Variants in TRIM2 observed in about 807,000 individuals in gnomAD.
The protein encoded by TRIM2 is tripartite motif containing 2, also known as tripartite motif-containing protein 2.
In TRIM2, 20 loss-of-function variants were observed where a neutral mutation model predicts 75.2. That is an observed-to-expected ratio of 0.27 (90% CI 0.19 to 0.39). The LOEUF (loss-of-function observed/expected upper bound fraction) is 0.39. Among genes scored for constraint, TRIM2 ranks in the 10% least tolerant of loss-of-function variants. The pLI is 1.00. For missense variants in TRIM2, 660 were observed against 990.8 expected (o/e 0.67, Z 4.48); for synonymous variants, 373 against 388.3 (o/e 0.96, Z 0.46).
intron 1 of TRIM2, among the ~76,000 whole-genome samples, chr4:153,179,784 A>G (rs1477500330): frequency 6.6e-6 from 1 of 152,182 alleles, no homozygotes; most frequent in African/African-American, 2.4e-5. Context: ...ATTTGTGGCA[A>G]GGCTAGACTG....
chr4:153,253,958 CT>C (rs993098827), intron 1 of TRIM2, among the ~76,000 whole-genome samples: 1 of 152,154 alleles, frequency 6.6e-6, no homozygotes, highest in South Asian at 2.1e-4. Flanking sequence ...TATTTATAAA[CT>C]TGCTTTTACT....
intron 6 of TRIM2, among the ~76,000 whole-genome samples, chr4:153,300,940 C>T (rs961387009): frequency 3.3e-5 from 5 of 151,648 alleles, no homozygotes; most frequent in Non-Finnish European, 5.9e-5. Context: ...CCTGTAATCC[C>T]AGCACCTTGG....
intron 8 of TRIM2, 113 bp from the exon 9 acceptor site, chr4:153,322,535 C>T (rs75615635): frequency 2.6e-6 from 3 of 1,170,626 alleles, no homozygotes; most frequent in African/African-American, 3.1e-5. Flanking sequence ...AGCTGTGTAC[C>T]CGTTTGAACC....
intron 8 of TRIM2, among the ~76,000 whole-genome samples, chr4:153,317,413 C>A (rs904481449): frequency 2.0e-5 from 3 of 151,276 alleles, no homozygotes; most frequent in Non-Finnish European, 4.4e-5. Flanking sequence ...CTTTGGGAGG[C>A]CGAGGCGGGC....
At chr4:153,166,522 C>CTTCCTTCCTTCCTTCT (rs1354895460) in intron 1 of TRIM2, among the ~76,000 whole-genome samples, 1 of 147,302 alleles carries the variant, frequency 6.8e-6, no homozygotes, top group Non-Finnish European at 1.5e-5. Flanking sequence ...CTTTTCCTTC[C>CTTCCTTCCTTCCTTCT]TTCCTTCCTT....
chr4:153,221,697 G>GAGGA (rs751582929), intron 1 of TRIM2, among the ~76,000 whole-genome samples: 13 of 151,316 alleles, frequency 8.6e-5, no homozygotes, highest in Non-Finnish European at 1.5e-4. Flanking sequence ...AGGATGGAGG[G>GAGGA]AGGAAGGAAG....
upstream of TRIM2, among the ~76,000 whole-genome samples, chr4:153,203,234 C>T (rs1486566883): frequency 6.6e-6 from 1 of 151,702 alleles, no homozygotes; most frequent in Non-Finnish European, 1.5e-5. Context: ...TGCTCATGGT[C>T]TGGCATGATT....
chr4:153,280,384 C>T (rs1260751834), intron 3 of TRIM2, among the ~76,000 whole-genome samples: 8 of 116,968 alleles, frequency 6.8e-5, no homozygotes, highest in East Asian at 2.3e-4. Flanking sequence ...CAGCAAATTC[C>T]TTTTTTTTTT....
At chr4:153,305,188 G>T (rs1302315044) in intron 6 of TRIM2, among the ~76,000 whole-genome samples, 1 of 152,188 alleles carries the variant, frequency 6.6e-6, no homozygotes, top group African/African-American at 2.4e-5. Flanking sequence ...AAGCTAGACT[G>T]CCCCAACACT....
intron 9 of TRIM2, among the ~76,000 whole-genome samples, chr4:153,323,469 C>CTGTTG: frequency 6.6e-6 from 1 of 151,652 alleles, no homozygotes; most frequent in African/African-American, 2.4e-5. Flanking sequence ...TGTGGGTTTT[C>CTGTTG]TGTTGTTTTG....
At chr4:153,180,041 GAGA>G (rs1162562597) in intron 1 of TRIM2, among the ~76,000 whole-genome samples, 1 of 152,220 alleles carries the variant, frequency 6.6e-6, no homozygotes, top group African/African-American at 2.4e-5. Context: ...GTGAGCTGGT[GAGA>G]AGATGAGGAC....
intron 1 of TRIM2, among the ~76,000 whole-genome samples, chr4:153,215,695 AG>A (rs1207706024): frequency 6.6e-6 from 1 of 152,176 alleles, no homozygotes; most frequent in African/African-American, 2.4e-5. Context: ...GGGGTTTGCA[AG>A]AAAAAAGGTT....
chr4:153,165,174 T>G (rs1325009618), intron 1 of TRIM2, among the ~76,000 whole-genome samples: 1 of 152,216 alleles, frequency 6.6e-6, no homozygotes, highest in African/African-American at 2.4e-5. Flanking sequence ...GTTTGGGGCT[T>G]GCTTTTGTAA....
At chr4:153,315,148 G>A (rs916503638) in intron 6 of TRIM2, among the ~76,000 whole-genome samples, 11 of 152,186 alleles carry the variant, frequency 7.2e-5, no homozygotes, top group Non-Finnish European at 1.6e-4. Context: ...GGGTAAAGTG[G>A]GAAAGCCATG....
chr4:153,175,494 G>C (rs111599668), intron 1 of TRIM2, among the ~76,000 whole-genome samples: 4 of 151,984 alleles, frequency 2.6e-5, no homozygotes, highest in Admixed American at 1.3e-4. Flanking sequence ...GCGGGGGGAG[G>C]GGGTGCATGG....
At chr4:153,321,425 C>T (rs1235325091) in intron 8 of TRIM2, among the ~76,000 whole-genome samples, 1 of 152,150 alleles carries the variant, frequency 6.6e-6, no homozygotes, top group Non-Finnish European at 1.5e-5. Flanking sequence ...ACCTGTATCT[C>T]ATGGCAAATA....
chr4:153,307,910 A>C lies in TRIM2; in HGVS notation c.1511-7575A>C, dbSNP rs993405128. 6.6e-6 allele frequency: 5 copies of C among 751,998 alleles called. No homozygotes were observed. In the Admixed American group the frequency reaches 8.8e-5, roughly 13 times the overall value. The allele number at this position is 751,998 out of a possible 1,614,324, so 46.6% of individuals were successfully genotyped here. ...AGACCATGATTCTGATCAGGACCTT[A>C]TCTTGAGTCCCCATGCCCATTATGG... On this transcript the variant is annotated intron_variant, in intron 6 of 11. Coordinates refer to ENST00000338700, the MANE Select transcript of TRIM2 (RefSeq NM_015271.5).
chr4:153,311,853 C>T (rs1019115207), intron 6 of TRIM2, among the ~76,000 whole-genome samples: 18 of 150,330 alleles, frequency 1.2e-4, no homozygotes, highest in African/African-American at 4.2e-4. Context: ...AGCTATGATG[C>T]CTGGCCTATA....
intron 3 of TRIM2, among the ~76,000 whole-genome samples, chr4:153,285,913 C>G (rs1414220631): frequency 1.3e-5 from 2 of 152,006 alleles, no homozygotes; most frequent in South Asian, 4.2e-4. Context: ...TTCAGTACAC[C>G]GTTGACTAGA....
Sources: allele counts gnomAD v4.1 joint callset (sites outside exome capture counted in the v4.1 genomes callset), GRCh38; gene constraint gnomAD v4.1.1; transcripts MANE v1.5; gene names NCBI Gene and HGNC (gene_info 2026-07-23, HGNC 2026-07-21).